Variants in MSH3 observed in about 807,000 individuals in gnomAD.
The protein encoded by MSH3 is DNA mismatch repair protein Msh3.
In MSH3, 106 loss-of-function variants were observed where a neutral mutation model predicts 123.3. The ratio of observed to expected loss-of-function variants is 0.86; its 90% CI spans 0.73 to 1.01. MSH3 has a LOEUF of 1.01. MSH3 is among the 50% of genes least tolerant of loss of function. The probability of loss-of-function intolerance (pLI) is 0.00; values close to 1 mark genes in which losing one functional copy is unlikely to be tolerated. For synonymous variants in MSH3, 515 were observed against 481.4 expected (o/e 1.07, Z -0.91); for missense variants, 1,459 against 1,347.6 (o/e 1.08, Z -1.29).
At chr5:80,797,552 G>A (rs1283344061) in intron 19 of MSH3, among the ~76,000 whole-genome samples, 3 of 152,184 alleles carry the variant, frequency 2.0e-5, no homozygotes, top group East Asian at 3.8e-4. Context: ...ATCTTTTAGT[G>A]TAACCACGTC....
chr5:80,846,743 G>A (rs958773957), intron 20 of MSH3, among the ~76,000 whole-genome samples: 1 of 152,236 alleles, frequency 6.6e-6, no homozygotes, highest in African/African-American at 2.4e-5. Flanking sequence ...GGTATCTCCT[G>A]GTCTGCCGGT....
intron 20 of MSH3, among the ~76,000 whole-genome samples, chr5:80,823,902 A>AC (rs1745243835): frequency 6.6e-6 from 1 of 151,610 alleles, no homozygotes; most frequent in Non-Finnish European, 1.5e-5. Context: ...ATGACTCTTA[A>AC]TGAGCATGCT....
chr5:80,685,579 C>T (rs1038919914), intron 8 of MSH3, among the ~76,000 whole-genome samples: 2 of 151,758 alleles, frequency 1.3e-5, no homozygotes, highest in Admixed American at 6.6e-5. Context: ...CTGGGAAAGT[C>T]TTACCAATTT....
Position 80,672,818 on chromosome 5 carries a change from A to T in MSH3, c.987A>T (p.Lys329Asn). The change falls in exon 6 of 24, where the codon AAA (lysine) becomes AAT (asparagine). Residue 329 changes from lysine to asparagine, a missense_variant. Coordinates refer to ENST00000265081, the MANE Select transcript of MSH3 (RefSeq NM_002439.5). ...GDNRSSLFSR[K>N]LTALYTKSTL... ...ACAGAAGTTCACTCTTTTCCCGGAA[A>T]TTGACTGCCCTTTATACAAAATCTA... 1 of 1,614,076 alleles carries T rather than the reference A, an allele frequency of 6.2e-7. No homozygotes were observed. Among genetic ancestry groups the T allele is most frequent in the Non-Finnish European group, 8.5e-7 (1 of 1,179,946 alleles).
intron 19 of MSH3, among the ~76,000 whole-genome samples, chr5:80,795,676 G>T (rs1003260403): frequency 1.3e-5 from 2 of 152,090 alleles, no homozygotes; most frequent in African/African-American, 2.4e-5. Flanking sequence ...CTATAAACTT[G>T]TTCATTCTTT....
At position 80,672,273 on chromosome 5, in the gene MSH3, C is replaced by G. The variant is rs764401738; in HGVS notation, c.822C>G (p.Cys274Trp). 1.9e-6 allele frequency: 3 copies of G among 1,613,354 alleles called. No homozygotes were observed. Among genetic ancestry groups the G allele is most frequent in the Non-Finnish European group, 2.5e-6 (3 of 1,179,592 alleles). The change falls in exon 5 of 24, where the codon TGC becomes TGG. Residue 274 changes from cysteine to tryptophan, a missense_variant. Transcript: ENST00000265081. ...EIAARELNIY[C>W]HLDHNFMTAS... ...CAGCCCGAGAGCTCAATATTTATTG[C>G]CATTTAGATCACAACTTTATGACAG...
At chr5:80,809,402 T>G (rs919153792) in intron 19 of MSH3, among the ~76,000 whole-genome samples, 2 of 152,158 alleles carry the variant, frequency 1.3e-5, no homozygotes, top group African/African-American at 4.8e-5. Context: ...TCTTATTGTG[T>G]GAAAAAGCCA....
chr5:80,786,654 A>C (rs1744515088), intron 17 of MSH3, among the ~76,000 whole-genome samples: 1 of 152,160 alleles, frequency 6.6e-6, no homozygotes. Context: ...CCATTCTTAA[A>C]AATTAAGTTT....
intron 8 of MSH3, among the ~76,000 whole-genome samples, chr5:80,723,424 T>C (rs1751130023): frequency 6.6e-6 from 1 of 152,200 alleles, no homozygotes. Context: ...TAATTGCTGC[T>C]TTGATCATTA....
intron 8 of MSH3, among the ~76,000 whole-genome samples, chr5:80,723,507 G>A (rs1751131721): frequency 6.6e-6 from 1 of 152,106 alleles, no homozygotes; most frequent in Non-Finnish European, 1.5e-5. Context: ...AATAAATTCA[G>A]AAAGCAGATC....
intron 19 of MSH3, among the ~76,000 whole-genome samples, chr5:80,802,392 T>C (rs1270231435): frequency 6.6e-6 from 1 of 151,506 alleles, no homozygotes; most frequent in East Asian, 1.9e-4. Context: ...CCTGCCATGG[T>C]ACCTCACAGA....
chr5:80,729,430 A>AATTGTG (rs1491210653), intron 10 of MSH3, among the ~76,000 whole-genome samples: 3 of 78,374 alleles, frequency 3.8e-5, no homozygotes, highest in Non-Finnish European at 2.3e-5. Context: ...AAAAAAAAAA[A>AATTGTG]TGTGTGTGTG....
In MSH3 at chr5:80,662,342, A is replaced by T. The variant is rs769941942; in HGVS notation, c.359-2801A>T. Among the ~76,000 whole-genome samples the T allele has an allele frequency of 2.6e-5, 4 of 152,174 alleles. No homozygotes were observed. In the East Asian group the frequency reaches 7.7e-4, roughly 29 times the overall value. On this transcript the variant is annotated intron_variant, in intron 2 of 23. Transcript: ENST00000265081. Reference sequence around the variant, plus strand: ...GAAATCACCTAATGACACATTCTTCATAACATATCCCCATCATTAAATGAT... The same window carrying T: ...GAAATCACCTAATGACACATTCTTCTTAACATATCCCCATCATTAAATGAT...
At chr5:80,747,620 A>T (rs969150472) in intron 12 of MSH3, among the ~76,000 whole-genome samples, 2 of 152,208 alleles carry the variant, frequency 1.3e-5, no homozygotes, top group Non-Finnish European at 2.9e-5. Flanking sequence ...ACCTGGAGAG[A>T]ATCTGCTGAT....
intron 20 of MSH3, among the ~76,000 whole-genome samples, chr5:80,824,357 G>A (rs1580072491): frequency 6.6e-6 from 1 of 150,588 alleles, no homozygotes; most frequent in African/African-American, 2.4e-5. Context: ...GCGGCTGGCC[G>A]GGTGGGGGCT....
At chr5:80,746,495 T>C in intron 12 of MSH3, 1 of 501,256 alleles carries the variant, frequency 2.0e-6, no homozygotes, top group Non-Finnish European at 4.0e-6. Flanking sequence ...AAACCTTTGA[T>C]GTCTAAGTAG....
intron 19 of MSH3, among the ~76,000 whole-genome samples, chr5:80,806,305 T>G (rs1471230931): frequency 6.6e-6 from 1 of 152,100 alleles, no homozygotes; most frequent in Non-Finnish European, 1.5e-5. Flanking sequence ...TCCATGTTGA[T>G]AGGCTGCTCT....
At chr5:80,842,540 G>T (rs1745646162) in intron 20 of MSH3, among the ~76,000 whole-genome samples, 1 of 152,146 alleles carries the variant, frequency 6.6e-6, no homozygotes, top group Admixed American at 6.5e-5. Flanking sequence ...CTATCCATGA[G>T]CATGGAATGT....
At chr5:80,710,755 T>C (rs1242363326) in intron 8 of MSH3, among the ~76,000 whole-genome samples, 1 of 152,162 alleles carries the variant, frequency 6.6e-6, no homozygotes, top group Non-Finnish European at 1.5e-5. Context: ...GATAGGGGTT[T>C]TAAAATATTA....
Sources: gnomAD v4.1 joint callset for allele counts (sites outside exome capture counted in the v4.1 genomes callset) on GRCh38, gnomAD v4.1.1 for gene constraint, MANE v1.5 for transcripts, NCBI Gene and HGNC (gene_info 2026-07-23, HGNC 2026-07-21) for gene names.